RBFOX1: variants seen among roughly 807,000 people sequenced by gnomAD.
The protein encoded by RBFOX1 is RNA binding fox-1 homolog 1.
RBFOX1 carries 8 observed loss-of-function variants against 57.7 expected under a neutral mutation model. That is an observed-to-expected ratio of 0.14 (90% CI 0.08 to 0.25). The LOEUF (loss-of-function observed/expected upper bound fraction) is 0.25. RBFOX1 is among the 10% of genes least tolerant of loss of function. RBFOX1 has a pLI of 1.00. For missense variants in RBFOX1, 611 were observed against 548.5 expected, an observed-to-expected ratio of 1.11 and a Z score of -1.14; for synonymous variants, 326 against 222.4, an observed-to-expected ratio of 1.47 and a Z score of -4.15.
intron 4 of RBFOX1, among the ~76,000 whole-genome samples, chr16:7,224,670 G>A (rs981785098): frequency 1.1e-4 from 16 of 152,158 alleles, no homozygotes; most frequent in African/African-American, 3.9e-4. Flanking sequence ...AAAGTAGAAA[G>A]ACCAAATAAG....
intron 2 of RBFOX1, among the ~76,000 whole-genome samples, chr16:6,601,435 C>A (rs973860443): frequency 6.6e-6 from 1 of 152,072 alleles, no homozygotes; most frequent in African/African-American, 2.4e-5. Context: ...GTCCTAAAAT[C>A]GGTGTTTGTC....
chr16:6,021,864 C>T (rs991306416), intron 1 of RBFOX1, among the ~76,000 whole-genome samples: 2 of 152,156 alleles, frequency 1.3e-5, no homozygotes, highest in South Asian at 4.1e-4. Flanking sequence ...ACTTAAAGCA[C>T]TAAACATTTA....
chr16:7,193,452 T>A (rs1265320115), intron 4 of RBFOX1, among the ~76,000 whole-genome samples: 2 of 152,226 alleles, frequency 1.3e-5, no homozygotes, highest in African/African-American at 4.8e-5. Context: ...TTGTGTTGTT[T>A]AAAGCCATCA....
chr16:6,790,606 CAT>C (rs767182177), intron 3 of RBFOX1, among the ~76,000 whole-genome samples: 12 of 152,272 alleles, frequency 7.9e-5, no homozygotes, highest in South Asian at 4.2e-4. Context: ...CAATTCAGCA[CAT>C]GTTTTTAAGT....
intron 4 of RBFOX1, among the ~76,000 whole-genome samples, chr16:7,178,701 T>C (rs2082130087): frequency 6.6e-6 from 1 of 152,188 alleles, no homozygotes; most frequent in African/African-American, 2.4e-5. Context: ...GTAAAAGTCA[T>C]TATCAGTTTT....
intron 2 of RBFOX1, among the ~76,000 whole-genome samples, chr16:6,403,281 T>C (rs1408270047): frequency 1.3e-5 from 2 of 152,192 alleles, no homozygotes; most frequent in Admixed American, 1.3e-4. Context: ...ACTCCAGCTG[T>C]CTAAACCAGA....
chr16:7,136,848 A>G (rs1275265386), intron 4 of RBFOX1, among the ~76,000 whole-genome samples: 1 of 152,224 alleles, frequency 6.6e-6, no homozygotes, highest in African/African-American at 2.4e-5. Flanking sequence ...GGTTAATGCT[A>G]CATGGGTTTA....
intron 3 of RBFOX1, among the ~76,000 whole-genome samples, chr16:6,844,954 C>G (rs762069223): frequency 3.9e-5 from 6 of 152,018 alleles, no homozygotes; most frequent in Admixed American, 3.3e-4. Flanking sequence ...AGCTTTTTTC[C>G]TATGTTTGTT....
intron 1 of RBFOX1, among the ~76,000 whole-genome samples, chr16:6,219,973 A>G (rs2097361341): frequency 6.6e-6 from 1 of 152,220 alleles, no homozygotes; most frequent in African/African-American, 2.4e-5. Flanking sequence ...ATAAGTATTC[A>G]GTAAATAGGT....
At chr16:5,583,994 C>G (rs184537557) in intron 2 of RBFOX1, among the ~76,000 whole-genome samples, 2 of 152,168 alleles carry the variant, frequency 1.3e-5, no homozygotes, top group African/African-American at 4.8e-5. Context: ...CTGGTTCCAC[C>G]GAGTCTGGGT....
rs2082200827 is a variant in RBFOX1 at position 6,324,902 on chromosome 16, T to G, written c.-64+7845T>G. 2.0e-5 allele frequency among the ~76,000 whole-genome samples: 3 copies of G among 152,230 alleles called. No individual in the cohort carries two copies. In the South Asian group the frequency reaches 6.2e-4, roughly 32 times the overall value. On this transcript the variant is annotated intron_variant, in intron 2 of 15. Coordinates refer to ENST00000550418, the MANE Select transcript of RBFOX1 (RefSeq NM_018723.4). ...AGTCAGTCCCTCCCTGGCCCACCTG[T>G]GTACAGAAATTAGCCCATTTTCTCT...
At chr16:5,607,547 C>T (rs745863351) in intron 3 of RBFOX1, among the ~76,000 whole-genome samples, 5 of 152,120 alleles carry the variant, frequency 3.3e-5, no homozygotes, top group Non-Finnish European at 4.4e-5. Flanking sequence ...CATTGAACTA[C>T]GGATGGGGAG....
intron 2 of RBFOX1, among the ~76,000 whole-genome samples, chr16:5,517,145 G>T (rs2043822197): frequency 1.3e-5 from 2 of 152,132 alleles, no homozygotes; most frequent in Non-Finnish European, 2.9e-5. Flanking sequence ...GGATGCTGCT[G>T]TGGTCACCAG....
rs112254088 is a variant in RBFOX1, at chr16:6,667,450, A to G, written c.-16+12800A>G. On this transcript the variant is annotated intron_variant, in intron 3 of 15. Transcript: ENST00000550418. Reference sequence around the variant, plus strand: ...ACCCCAGCTTAGTGGCTTCCTGGTTATTTAACCTCTCAGATGCTCAAGCTC... The same window carrying G: ...ACCCCAGCTTAGTGGCTTCCTGGTTGTTTAACCTCTCAGATGCTCAAGCTC... Among the ~76,000 whole-genome samples, 913 of 152,226 alleles carry G rather than the reference A, an allele frequency of 6.0e-3. 9 individuals carry two copies. Among genetic ancestry groups the G allele is most frequent in the African/African-American group, 0.02 (834 of 41,520 alleles).
chr16:6,685,774 C>A (rs1033207855), intron 3 of RBFOX1, among the ~76,000 whole-genome samples: 1 of 152,080 alleles, frequency 6.6e-6, no homozygotes, highest in African/African-American at 2.4e-5. Context: ...TCCCTCCAAG[C>A]ACCTGAAATT....
At chr16:7,199,991 G>A (rs2087897260) in intron 4 of RBFOX1, among the ~76,000 whole-genome samples, 1 of 152,202 alleles carries the variant, frequency 6.6e-6, no homozygotes, top group Admixed American at 6.5e-5. Flanking sequence ...TCTCATTCTT[G>A]AATGTGCTCA....
chr16:5,684,783 G>C (rs2151443780), intron 3 of RBFOX1, among the ~76,000 whole-genome samples: 1 of 152,236 alleles, frequency 6.6e-6, no homozygotes, highest in East Asian at 1.9e-4. Flanking sequence ...TATATCTGGA[G>C]CCCTGTCCTG....
At chr16:7,047,716 CTTTTTTTTTTTTTTTTTT>C (rs55636828) in intron 3 of RBFOX1, among the ~76,000 whole-genome samples, 14 of 47,942 alleles carry the variant, frequency 2.9e-4, no homozygotes, top group African/African-American at 8.0e-4. Flanking sequence ...TCCTGCATTT[CTTTTTTTTTTTTTTTTTT>C]TTTTTTTTTT....
intron 1 of RBFOX1, chr16:5,467,198 T>G (rs72772796): frequency 1.1e-6 from 1 of 924,554 alleles, no homozygotes; most frequent in African/African-American, 2.8e-5. Flanking sequence ...CTCTCTCTCT[T>G]TTTTTTTTTT....
Sources: allele counts gnomAD v4.1 joint callset (sites outside exome capture counted in the v4.1 genomes callset), GRCh38; gene constraint gnomAD v4.1.1; transcripts MANE v1.5; gene names NCBI Gene and HGNC (gene_info 2026-07-23, HGNC 2026-07-21).